The following ICE1 variants were observed in gnomAD, a reference collection of about 807,000 sequenced individuals.
ICE1 encodes the protein little elongation complex subunit 1.
A neutral mutation model predicts 192.7 loss-of-function variants in ICE1; 64 were observed. The ratio of observed to expected loss-of-function variants is 0.33; its 90% CI spans 0.27 to 0.41. The LOEUF (loss-of-function observed/expected upper bound fraction) is 0.41, where lower values mean the gene tolerates loss of function less well. Among genes scored for constraint, ICE1 ranks in the 10% least tolerant of loss-of-function variants. The pLI is 1.00. For synonymous variants in ICE1, 1,010 were observed against 984.5 expected (o/e 1.03, Z -0.49); for missense variants, 2,708 against 2,696.0 (o/e 1.00, Z -0.10).
At chr5:5,459,232 G>A (rs1455788253) in intron 12 of ICE1, among the ~76,000 whole-genome samples, 2 of 152,176 alleles carry the variant, frequency 1.3e-5, no homozygotes, top group Non-Finnish European at 2.9e-5. Context: ...TAAAGAGGTG[G>A]GAACTGGTTT....
intron 13 of ICE1, among the ~76,000 whole-genome samples, chr5:5,465,972 C>G (rs1028512684): frequency 1.3e-5 from 2 of 152,136 alleles, no homozygotes; most frequent in African/African-American, 4.8e-5. Flanking sequence ...AGTAGAATTA[C>G]ATACTGTATT....
chr5:5,441,262 A>G, intron 5 of ICE1, 39 bp downstream of exon 5: 1 of 1,274,770 alleles, frequency 7.8e-7, no homozygotes, highest in Non-Finnish European at 1.1e-6. Context: ...TACGGTCAAT[A>G]AATTAGGATG....
chr5:5,450,809 A>G (rs1160723492), intron 10 of ICE1, among the ~76,000 whole-genome samples: 5 of 152,216 alleles, frequency 3.3e-5, no homozygotes, highest in African/African-American at 7.2e-5. Context: ...TACTGCTAGT[A>G]TGTACCTAAG....
chr5:5,440,327 AGAT>A (rs1738002852), intron 4 of ICE1, among the ~76,000 whole-genome samples: 2 of 152,224 alleles, frequency 1.3e-5, no homozygotes, highest in African/African-American at 4.8e-5. Flanking sequence ...TTCATCACCC[AGAT>A]GAAGGCGAAA....
chr5:5,451,627 T>C (rs1160741545), intron 10 of ICE1, among the ~76,000 whole-genome samples: 1 of 152,106 alleles, frequency 6.6e-6, no homozygotes, highest in Non-Finnish European at 1.5e-5. Flanking sequence ...CATGCTCAAA[T>C]TGACTCAGAA....
At position 5,447,538 on chromosome 5, in the gene ICE1, C is replaced by T. The variant is rs758858578; in HGVS notation, c.507+29C>T. ...CTAGATAAAAGCAGCATACACACAC[C>T]TTAAATACGTGGCTCCAGGGTCTCT... is the stretch of plus-strand genomic sequence containing the variant. On this transcript the variant is annotated intron_variant, in intron 8 of 18. Coordinates refer to ENST00000296564, the MANE Select transcript of ICE1 (RefSeq NM_015325.3). 1.9e-5 allele frequency: 28 copies of T among 1,496,270 alleles called. No homozygotes were observed. The South Asian group carries it at 2.0e-4, about 10-fold the overall frequency. The allele number at this position is 1,496,270 out of a possible 1,614,324, so 92.7% of individuals were successfully genotyped here. A position where few individuals can be genotyped will look rare whatever the true frequency, so the allele number is the denominator to read the frequency against.
At chr5:5,488,830 C>T (rs534769050) in intron 18 of ICE1, among the ~76,000 whole-genome samples, 23 of 152,174 alleles carry the variant, frequency 1.5e-4, no homozygotes, top group African/African-American at 4.8e-4. Context: ...GTGATCCTTC[C>T]AGAACTGTTT....
At chr5:5,445,912 TG>T (rs1308455274) in intron 7 of ICE1, among the ~76,000 whole-genome samples, 2 of 151,838 alleles carry the variant, frequency 1.3e-5, no homozygotes, top group East Asian at 1.9e-4. Flanking sequence ...TTAGTAGAGA[TG>T]GGGTTATGTT....
rs1313966704 is a variant in ICE1 at position 5,486,775 on chromosome 5, T to C, written c.6575T>C (p.Ile2192Thr). Residue 2192 changes from isoleucine (I) to threonine (T), a missense_variant, in exon 18 of 19, where the codon ATT becomes ACT. Coordinates refer to ENST00000296564, the MANE Select transcript of ICE1 (RefSeq NM_015325.3). ...GGATTTCCATCTGCTGTGAAAAATA[T>C]TAGTTCGGTTATTGGTATGTTTATA... ...KEGFPSAVKNISSVIGMFIQH... is the reference protein window; with the variant it reads ...KEGFPSAVKNTSSVIGMFIQH... 1.2e-6 allele frequency: 2 copies of C among 1,602,700 alleles called. No homozygotes were observed. The highest frequency in any genetic ancestry group is 1.7e-6 in the Non-Finnish European group (2 of 1,173,918).
At chr5:5,454,147 G>C (rs140030736) in intron 10 of ICE1, among the ~76,000 whole-genome samples, 6 of 152,116 alleles carry the variant, frequency 3.9e-5, no homozygotes, top group African/African-American at 7.2e-5. Flanking sequence ...AAAATACATA[G>C]AGCCCAGATC....
chr5:5,464,181 G>T lies in ICE1; in HGVS notation c.4847G>T (p.Cys1616Phe), dbSNP rs755010302. ...GCTGATACATCCACTCCTACAGATT[G>T]TTCTCCTGACACACTGAGTAAAATA... ...ANADTSTPTD[C>F]SPDTLSKIRQ... Residue 1616 changes from cysteine (C) to phenylalanine (F), a missense_variant, in exon 13 of 19, where the codon TGT (cysteine) becomes TTT (phenylalanine). This residue lies in a region of ICE1 where 2,366 missense variants were observed against 2,276.6 expected (regional missense o/e 1.04). Transcript: ENST00000296564. The surrounding 1 kb of genome is among the most constrained non-coding windows in gnomAD (Gnocchi z 4.0). 1.9e-6 allele frequency: 3 copies of T among 1,613,656 alleles called. No homozygotes were observed. The South Asian group carries it at 3.3e-5, about 18-fold the overall frequency.
chr5:5,451,266 A>G (rs1385702418), intron 10 of ICE1, among the ~76,000 whole-genome samples: 1 of 152,234 alleles, frequency 6.6e-6, no homozygotes, highest in Non-Finnish European at 1.5e-5. Flanking sequence ...GATATAGCCA[A>G]TTCCTTCACT....
At chr5:5,447,975 A>G (rs991844673) in intron 10 of ICE1, 78 bp downstream of exon 10, 108 of 1,148,428 alleles carry the variant, frequency 9.4e-5, no homozygotes, top group Non-Finnish European at 1.0e-4. Context: ...GCTCCTACAT[A>G]TAATTGTGAA....
Position 5,422,866 on chromosome 5 carries a change from C to A in ICE1, c.-50C>A. The A allele has an allele frequency of 1.6e-6, 2 of 1,249,426 alleles. No individual in the cohort carries two copies. The highest frequency in any genetic ancestry group is 2.0e-6 in the Non-Finnish European group (2 of 989,784). 77.4% of individuals were successfully genotyped at this position (1,249,426 alleles called of 1,614,324 possible). On this transcript the variant is annotated 5_prime_UTR_variant, in exon 1 of 19. Coordinates refer to ENST00000296564, the MANE Select transcript of ICE1 (RefSeq NM_015325.3). ...ATCAGCAGAGACAGGACGGGGCCGA[C>A]GCCGCGGGCCCCTGAGGCGTGCGTG...
At position 5,462,032 on chromosome 5, in the gene ICE1, A is replaced by T. The variant is rs1037766658; in HGVS notation, c.2698A>T (p.Thr900Ser). 6 of 1,613,876 alleles carry T rather than the reference A, an allele frequency of 3.7e-6. No homozygotes were observed. In the Admixed American group the frequency reaches 1.0e-4, roughly 27 times the overall value. ...TAGTGGCAACAAAACCGGTATGTCA[A>T]CTGTAGCAAAATGTGATGGGGAAAG... is the stretch of plus-strand genomic sequence containing the variant. ...ENSGNKTGMS[T>S]VAKCDGERDD... Residue 900 changes from threonine to serine, a missense_variant, in exon 13 of 19, where the codon ACT becomes TCT. Coordinates refer to ENST00000296564, the MANE Select transcript of ICE1 (RefSeq NM_015325.3).
chr5:5,471,190 A>G (rs1025355997), intron 15 of ICE1, among the ~76,000 whole-genome samples: 1 of 152,214 alleles, frequency 6.6e-6, no homozygotes, highest in Non-Finnish European at 1.5e-5. Context: ...GAAATGGGAA[A>G]GTAGACATAT....
intron 11 of ICE1, 64 bp downstream of exon 11, chr5:5,454,702 A>G: frequency 8.3e-7 from 1 of 1,205,666 alleles, no homozygotes; most frequent in Non-Finnish European, 1.2e-6. Context: ...CCATAGGCAT[A>G]GCAGCCGTTA....
chr5:5,466,495 TAAA>T lies in ICE1; in HGVS notation c.6055_6057del (p.Lys2019del). On this transcript the variant is annotated inframe_deletion, in exon 14 of 19. Coordinates refer to ENST00000296564, the MANE Select transcript of ICE1 (RefSeq NM_015325.3). ...CTCGTTTGTTTTGCTACAGCCTACTTAAAGAAGGTATGCTTAGATTGTGACAAT... is the reference window on the plus strand; with the variant it reads ...CTCGTTTGTTTTGCTACAGCCTACTTGAAGGTATGCTTAGATTGTGACAAT... The T allele has an allele frequency of 1.2e-6, 2 of 1,606,784 alleles. No individual in the cohort carries two copies. Among genetic ancestry groups the T allele is most frequent in the African/African-American group, 1.3e-5 (1 of 74,622 alleles).
intron 12 of ICE1, among the ~76,000 whole-genome samples, chr5:5,460,180 A>G (rs147591466): frequency 6.6e-6 from 1 of 151,934 alleles, no homozygotes; most frequent in African/African-American, 2.4e-5. Context: ...GTGGGGTGTG[A>G]CACTTGGAAG....
Sources: gnomAD v4.1 joint callset for allele counts (sites outside exome capture counted in the v4.1 genomes callset) on GRCh38, gnomAD v4.1.1 for gene constraint, gnomAD v4.1.1 regional missense constraint, Gnocchi (gnomAD v3.1) non-coding constraint, MANE v1.5 for transcripts, NCBI Gene and HGNC (gene_info 2026-07-23, HGNC 2026-07-21) for gene names.